The following SPECC1 variants were observed in gnomAD, a reference collection of about 807,000 sequenced individuals.
SPECC1 encodes sperm antigen with calponin homology and coiled-coil domains 1, also known as cytospin-B.
Under a neutral mutation model 104.1 loss-of-function variants are expected in SPECC1, and 62 were observed. The observed-to-expected ratio is 0.60, with a 90% confidence interval of 0.49 to 0.74. The LOEUF is 0.74. Ranked by LOEUF, SPECC1 falls within the 30% of genes least tolerant of loss-of-function variation. SPECC1 has a pLI of 0.00. For synonymous variants in SPECC1, 513 were observed against 501.6 expected (o/e 1.02, Z -0.30); for missense variants, 1,306 against 1,310.5 (o/e 1.00, Z 0.05).
chr17:20,200,418 G>A (rs1026787924), intron 3 of SPECC1, among the ~76,000 whole-genome samples: 2 of 152,192 alleles, frequency 1.3e-5, no homozygotes, highest in Non-Finnish European at 2.9e-5. Context: ...ATTATGAGAT[G>A]GAGCTTGCTT....
intron 3 of SPECC1, among the ~76,000 whole-genome samples, chr17:20,202,570 T>G (rs2036503234): frequency 6.6e-6 from 1 of 152,230 alleles, no homozygotes; most frequent in African/African-American, 2.4e-5. Context: ...TACAGTATGG[T>G]ACTGCAAATG....
At chr17:20,057,268 C>T (rs1341123906) in intron 1 of SPECC1, among the ~76,000 whole-genome samples, 1 of 152,082 alleles carries the variant, frequency 6.6e-6, no homozygotes, top group African/African-American at 2.4e-5. Flanking sequence ...GGTGAAACCC[C>T]ATCTCTACTA....
At chr17:20,231,071 T>A (rs2038542288) in intron 5 of SPECC1, among the ~76,000 whole-genome samples, 1 of 152,212 alleles carries the variant, frequency 6.6e-6, no homozygotes, top group South Asian at 2.1e-4. Context: ...TAAATTTGAA[T>A]GACTCTGATA....
chr17:20,095,652 G>C (rs1273658067), intron 1 of SPECC1: 2 of 152,274 alleles, frequency 1.3e-5, no homozygotes, highest in Non-Finnish European at 2.9e-5. Context: ...CATCCCCCGG[G>C]GGCAGTTAGT....
chr17:20,244,898 C>CA (rs1165312094), intron 7 of SPECC1, among the ~76,000 whole-genome samples: 2 of 152,196 alleles, frequency 1.3e-5, no homozygotes, highest in African/African-American at 2.4e-5. Flanking sequence ...GATCACATGA[C>CA]ATGCCAAAGT....
chr17:20,188,606 C>G (rs2035442481), intron 3 of SPECC1, among the ~76,000 whole-genome samples: 1 of 151,948 alleles, frequency 6.6e-6, no homozygotes, highest in Non-Finnish European at 1.5e-5. Flanking sequence ...ATGATGTGAC[C>G]GTTGGGCAAA....
intron 1 of SPECC1, among the ~76,000 whole-genome samples, chr17:20,028,447 C>T (rs556388804): frequency 2.2e-4 from 32 of 145,680 alleles, no homozygotes; most frequent in Non-Finnish European, 4.4e-4. Flanking sequence ...CCAGCCTGGG[C>T]AACATGGTGA....
intron 9 of SPECC1, among the ~76,000 whole-genome samples, chr17:20,250,316 T>G (rs773428391): frequency 7.2e-5 from 11 of 152,202 alleles, no homozygotes; most frequent in Non-Finnish European, 1.3e-4. Context: ...AAAGACTATT[T>G]AAAGGAGTTC....
At chr17:20,021,230 C>T (rs116580671) in intron 1 of SPECC1, among the ~76,000 whole-genome samples, 1 of 152,116 alleles carries the variant, frequency 6.6e-6, no homozygotes, top group African/African-American at 2.4e-5. Flanking sequence ...AGAAAATCCA[C>T]ATGTAAGTGG....
intron 12 of SPECC1, among the ~76,000 whole-genome samples, chr17:20,262,981 G>T (rs2040081730): frequency 1.3e-5 from 2 of 152,066 alleles, no homozygotes; most frequent in Non-Finnish European, 2.9e-5. Context: ...CTGTAGTGCA[G>T]TGTGGGTCAG....
chr17:20,301,702 T>C (rs1321893049), intron 13 of SPECC1, among the ~76,000 whole-genome samples: 2 of 152,028 alleles, frequency 1.3e-5, no homozygotes, highest in African/African-American at 4.8e-5. Context: ...TTTTGTCATT[T>C]TGTTGTTGTT....
intron 1 of SPECC1, chr17:20,056,141 A>C (rs2152466643): frequency 6.6e-6 from 1 of 152,396 alleles, no homozygotes; most frequent in Non-Finnish European, 1.5e-5. Context: ...TAGTTCTTCC[A>C]GTGGAAAGCT....
intron 1 of SPECC1, among the ~76,000 whole-genome samples, chr17:20,079,456 TG>T (rs1914293069): frequency 6.6e-6 from 1 of 152,170 alleles, no homozygotes; most frequent in Admixed American, 6.5e-5. Context: ...TGCACCACCG[TG>T]CCTGGCTAAT....
intron 3 of SPECC1, among the ~76,000 whole-genome samples, chr17:20,189,083 TG>T (rs1364883737): frequency 6.6e-6 from 1 of 152,186 alleles, no homozygotes; most frequent in Non-Finnish European, 1.5e-5. Flanking sequence ...GGTTCTCACT[TG>T]CATCGAGCCT....
At chr17:20,058,233 C>A (rs555496721) in intron 1 of SPECC1, among the ~76,000 whole-genome samples, 2 of 152,272 alleles carry the variant, frequency 1.3e-5, no homozygotes, top group South Asian at 2.1e-4. Flanking sequence ...GCACCTTTCT[C>A]CTTAGTATCA....
At chr17:20,190,266 ATT>A (rs1247029337) in intron 3 of SPECC1, among the ~76,000 whole-genome samples, 1 of 152,158 alleles carries the variant, frequency 6.6e-6, no homozygotes, top group Non-Finnish European at 1.5e-5. Context: ...CGGATTGCTA[ATT>A]GCCTGTTTCC....
intron 12 of SPECC1, among the ~76,000 whole-genome samples, chr17:20,268,221 A>G (rs1380125661): frequency 6.6e-6 from 1 of 152,182 alleles, no homozygotes; most frequent in African/African-American, 2.4e-5. Context: ...CACCTACACT[A>G]TCATTAAGGG....
intron 1 of SPECC1, among the ~76,000 whole-genome samples, chr17:20,023,976 A>G (rs1235867694): frequency 6.6e-6 from 1 of 152,222 alleles, no homozygotes; most frequent in Non-Finnish European, 1.5e-5. Context: ...TGTGATGTGT[A>G]TACAAATATC....
At chr17:20,029,547 G>T (rs1159664459) in intron 1 of SPECC1, among the ~76,000 whole-genome samples, 1 of 151,976 alleles carries the variant, frequency 6.6e-6, no homozygotes, top group Non-Finnish European at 1.5e-5. Context: ...AAATCTTCTG[G>T]GCCTGGGATT....
Sources: gnomAD v4.1 joint callset for allele counts (sites outside exome capture counted in the v4.1 genomes callset) on GRCh38, gnomAD v4.1.1 for gene constraint, MANE v1.5 for transcripts, NCBI Gene and HGNC (gene_info 2026-07-23, HGNC 2026-07-21) for gene names.